Variants in CCDC180 observed in about 807,000 individuals in gnomAD.
CCDC180 encodes coiled-coil domain-containing protein 180.
A neutral mutation model predicts 209.2 loss-of-function variants in CCDC180; 154 were observed. The observed-to-expected ratio is 0.74, with a 90% CI of 0.65 to 0.84. The LOEUF is 0.84. Ranked by LOEUF, CCDC180 falls within the 40% of genes least tolerant of loss-of-function variation. The pLI is 0.00. For missense variants in CCDC180, 1,874 were observed against 1,997.3 expected, an observed-to-expected ratio of 0.94 and a Z score of 1.18; for synonymous variants, 778 against 749.1, an observed-to-expected ratio of 1.04 and a Z score of -0.63.
chr9:97,350,335 A>G lies in CCDC180; in HGVS notation c.2856-74A>G, dbSNP rs973278593. ...TCCCTTGTCCCTCAGGCTGATCACC[A>G]TCACCACCTGCCCCTCCCTTGTCCC... On this transcript the variant is annotated intron_variant, in intron 21 of 36. Transcript: ENST00000529487. The G allele has an allele frequency of 9.0e-6, 13 of 1,447,352 alleles. No homozygotes were observed. The African/African-American group carries it at 1.3e-4, about 14-fold the overall frequency. 89.7% of individuals were successfully genotyped at this position (1,447,352 alleles called of 1,614,324 possible).
chr9:97,320,496 A>C (rs955131551), intron 11 of CCDC180, among the ~76,000 whole-genome samples: 2 of 152,194 alleles, frequency 1.3e-5, no homozygotes, highest in Admixed American at 1.3e-4. Flanking sequence ...GCTCAGAGGC[A>C]TGCCCCAAGA....
intron 18 of CCDC180, among the ~76,000 whole-genome samples, chr9:97,337,523 T>G (rs555708755): frequency 2.6e-5 from 4 of 152,310 alleles, no homozygotes; most frequent in African/African-American, 9.6e-5. Context: ...CAACTTGATC[T>G]TGGTGGATAA....
chr9:97,321,608 TCAGTGCCTCCTA>T (rs1331875036), intron 11 of CCDC180, among the ~76,000 whole-genome samples: 3 of 152,180 alleles, frequency 2.0e-5, no homozygotes, highest in Non-Finnish European at 4.4e-5. Flanking sequence ...TGCCATTCAT[TCAGTGCCTCCTA>T]CAGACAGGCA....
chr9:97,311,117 G>A (rs1832972976), intron 3 of CCDC180, among the ~76,000 whole-genome samples: 1 of 152,164 alleles, frequency 6.6e-6, no homozygotes, highest in Non-Finnish European at 1.5e-5. Flanking sequence ...TCATCACCCA[G>A]GGCAGACTCC....
At chr9:97,325,886 C>T (rs917138400) in intron 14 of CCDC180, among the ~76,000 whole-genome samples, 4 of 152,124 alleles carry the variant, frequency 2.6e-5, no homozygotes, top group Non-Finnish European at 5.9e-5. Flanking sequence ...TTGAGTATTT[C>T]GAAGTCCAGT....
rs779493205 is a variant in CCDC180, at chr9:97,318,497, C to T, written c.994C>T (p.Pro332Ser). Residue 332 changes from proline (P) to serine (S), a missense_variant, in exon 10 of 37, where the codon CCG becomes TCG. Coordinates refer to ENST00000529487, the MANE Select transcript of CCDC180 (RefSeq NM_020893.6). ...GGCCAGTGAGAGTATCCATACTCCC[C>T]CGGCTGTGACGAAGGAGCTAGAGGT... The part of the protein sequence containing the change: ...FMASESIHTP[P>S]AVTKELEVML... 6.2e-7 allele frequency: 1 copy of T among 1,613,792 alleles called. No homozygotes were observed. Among genetic ancestry groups the T allele is most frequent in the South Asian group, 1.1e-5 (1 of 91,068 alleles).
At chr9:97,359,143 G>T (rs1395120892) in intron 25 of CCDC180, among the ~76,000 whole-genome samples, 1 of 152,164 alleles carries the variant, frequency 6.6e-6, no homozygotes, top group African/African-American at 2.4e-5. Flanking sequence ...CCTGTGACTT[G>T]CCTGATCTCC....
intron 18 of CCDC180, among the ~76,000 whole-genome samples, chr9:97,339,939 C>G (rs193268567): frequency 6.6e-6 from 1 of 152,296 alleles, no homozygotes; most frequent in African/African-American, 2.4e-5. Flanking sequence ...CTTTCTTCCA[C>G]TTGATTGAAT....
intron 4 of CCDC180, among the ~76,000 whole-genome samples, chr9:97,312,432 T>C (rs1833020214): frequency 6.6e-6 from 1 of 152,158 alleles, no homozygotes; most frequent in African/African-American, 2.4e-5. Context: ...CAGTTACTGA[T>C]GCAAAACAGG....
At chr9:97,342,445 A>C (rs998522618) in intron 18 of CCDC180, among the ~76,000 whole-genome samples, 1 of 152,044 alleles carries the variant, frequency 6.6e-6, no homozygotes, top group Non-Finnish European at 1.5e-5. Flanking sequence ...ACAGACCTCT[A>C]ATTTTTGTAT....
At position 97,374,662 on chromosome 9, in the gene CCDC180, G is replaced by A; in HGVS notation, c.4706+14G>A. ...ACGTGGAAGCAGGTGAGAACCAAGAGCAGCAAGGACTACTGTAAATGGCTG... is the reference window on the plus strand; with the variant it reads ...ACGTGGAAGCAGGTGAGAACCAAGAACAGCAAGGACTACTGTAAATGGCTG... On this transcript the variant is annotated intron_variant, in intron 35 of 36. Transcript: ENST00000529487. The A allele has an allele frequency of 2.5e-6, 4 of 1,603,146 alleles. No homozygotes were observed. The South Asian group carries it at 4.4e-5, about 18-fold the overall frequency.
chr9:97,311,061 C>G (rs1832969857), intron 3 of CCDC180, among the ~76,000 whole-genome samples: 1 of 152,168 alleles, frequency 6.6e-6, no homozygotes, highest in South Asian at 2.1e-4. Context: ...GCAAAGGGTG[C>G]AGGTGTTTGA....
At position 97,350,531 on chromosome 9, in the gene CCDC180, A is replaced by G. The variant is rs1416293565; in HGVS notation, c.2978A>G (p.Asn993Ser). The change falls in exon 22 of 37, where the codon AAT (asparagine) becomes AGT (serine). Residue 993 changes from asparagine (N) to serine (S), a missense_variant. Physicochemically the swap from Asn to Ser is conservative, Grantham distance 46 (BLOSUM62 1). Transcript: ENST00000529487. ...AGTCTGGGCAAACTCCGCTACTCAA[A>G]TATTGAGTTCATCAAACACTGCAGG... ...EESLGKLRYSNIEFIKHCRLF... is the reference protein window; with the variant it reads ...EESLGKLRYSSIEFIKHCRLF... 2.6e-6 allele frequency: 4 copies of G among 1,536,468 alleles called. No homozygotes were observed. In the Admixed American group the frequency reaches 5.9e-5, roughly 23 times the overall value.
rs373747070 is a variant in CCDC180 at position 97,354,598 on chromosome 9, C to T, written c.3032C>T (p.Pro1011Leu). 1.5e-5 allele frequency: 25 copies of T among 1,614,064 alleles called. No individual in the cohort carries two copies. Among genetic ancestry groups the T allele is most frequent in the Admixed American group, 1.0e-4 (6 of 60,008 alleles). Residue 1011 changes from proline to leucine, a missense_variant, in exon 23 of 37, where the codon CCT (proline) becomes CTT (leucine). Physicochemically the swap from Pro to Leu is moderately conservative, Grantham distance 98. Transcript: ENST00000529487. Reference protein sequence around the residue: ...RLFSEGGNFSPKEINSLCSRL... With the variant: ...RLFSEGGNFSLKEINSLCSRL... ...TTTTCAGAGGGAGGCAACTTTTCTC[C>T]TAAAGAAATCAATTCACTGTGTTCC...
intron 18 of CCDC180, among the ~76,000 whole-genome samples, chr9:97,338,221 T>C (rs927992157): frequency 1.3e-5 from 2 of 152,348 alleles, no homozygotes; most frequent in South Asian, 2.1e-4. Flanking sequence ...ATTTGTTTGC[T>C]CTTGCTTCTA....
At chr9:97,318,851 G>T (rs1485103490) in intron 10 of CCDC180, among the ~76,000 whole-genome samples, 1 of 152,244 alleles carries the variant, frequency 6.6e-6, no homozygotes, top group Non-Finnish European at 1.5e-5. Flanking sequence ...GCACAGATCA[G>T]AGCACGCAGG....
intron 11 of CCDC180, among the ~76,000 whole-genome samples, chr9:97,322,009 G>C (rs1276221181): frequency 6.6e-6 from 1 of 152,156 alleles, no homozygotes; most frequent in African/African-American, 2.4e-5. Flanking sequence ...AGGGCAGTGG[G>C]AACTCAGTGG....
intron 30 of CCDC180, 83 bp downstream of exon 30, chr9:97,365,822 G>A (rs997331498): frequency 5.0e-5 from 60 of 1,210,698 alleles, no homozygotes; most frequent in Admixed American, 1.3e-4. Context: ...CCGCTTGGGG[G>A]AAAATGAGGA....
intron 21 of CCDC180, among the ~76,000 whole-genome samples, chr9:97,350,007 A>G (rs1826377176): frequency 6.6e-6 from 1 of 152,140 alleles, no homozygotes; most frequent in Admixed American, 6.5e-5. Context: ...CTGATCCAGC[A>G]CACCCAGAAT....
Sources: allele counts gnomAD v4.1 joint callset (sites outside exome capture counted in the v4.1 genomes callset), GRCh38; gene constraint gnomAD v4.1.1; transcripts MANE v1.5; gene names NCBI Gene and HGNC (gene_info 2026-07-23, HGNC 2026-07-21).